The following SLC35F3 variants were observed in gnomAD, a reference collection of about 807,000 sequenced individuals.
The protein encoded by SLC35F3 is putative thiamine transporter SLC35F3.
Under a neutral mutation model 49.9 loss-of-function variants are expected in SLC35F3, and 25 were observed. The ratio of observed to expected loss-of-function variants is 0.50; its 90% CI spans 0.37 to 0.70. The LOEUF (loss-of-function observed/expected upper bound fraction) is 0.70, where lower values mean the gene tolerates loss of function less well. Among genes scored for constraint, SLC35F3 ranks in the 30% least tolerant of loss-of-function variants. SLC35F3 has a pLI of 0.00. For synonymous variants in SLC35F3, 275 were observed against 265.4 expected, an observed-to-expected ratio of 1.04 and a Z score of -0.35; for missense variants, 525 against 639.8, an observed-to-expected ratio of 0.82 and a Z score of 1.94.
chr1:234,267,914 G>A (rs145401355), intron 3 of SLC35F3, among the ~76,000 whole-genome samples: 33,165 of 104,184 alleles, frequency 0.32, 7,341 homozygotes, highest in Non-Finnish European at 0.36. Context: ...GGGCAGAGAC[G>A]CTCCTCACTT....
intron 3 of SLC35F3, among the ~76,000 whole-genome samples, chr1:234,242,875 A>C (rs1176654834): frequency 6.6e-6 from 1 of 152,230 alleles, no homozygotes; most frequent in African/African-American, 2.4e-5. Context: ...GCAGGAACAC[A>C]TCATTAGAAA....
chr1:234,135,083 C>T (rs1572064551), intron 2 of SLC35F3, among the ~76,000 whole-genome samples: 2 of 152,222 alleles, frequency 1.3e-5, no homozygotes, highest in East Asian at 1.9e-4. Context: ...TGAGGACATG[C>T]ATTTAAACAG....
chr1:234,122,995 C>T (rs928872618), intron 2 of SLC35F3, among the ~76,000 whole-genome samples: 8 of 152,088 alleles, frequency 5.3e-5, no homozygotes, highest in East Asian at 3.8e-4. Context: ...GTAATGGGAT[C>T]GCTGGGTCAA....
At chr1:234,082,076 A>C (rs1370438265) in intron 2 of SLC35F3, among the ~76,000 whole-genome samples, 2 of 151,760 alleles carry the variant, frequency 1.3e-5, no homozygotes, top group Non-Finnish European at 2.9e-5. Flanking sequence ...CTTTTCTAGC[A>C]ATGCTTTCTG....
chr1:234,084,924 C>T (rs1329568582), intron 2 of SLC35F3, among the ~76,000 whole-genome samples: 1 of 152,160 alleles, frequency 6.6e-6, no homozygotes, highest in Admixed American at 6.5e-5. Flanking sequence ...TGCAGTCAGC[C>T]TAAATCCCAT....
At chr1:234,318,122 C>T (rs913094422) in intron 5 of SLC35F3, among the ~76,000 whole-genome samples, 1 of 152,222 alleles carries the variant, frequency 6.6e-6, no homozygotes, top group Non-Finnish European at 1.5e-5. Context: ...GCAGGAGCTG[C>T]CCTGGGGCCA....
At chr1:234,220,269 G>T (rs1258142819) in intron 2 of SLC35F3, among the ~76,000 whole-genome samples, 1 of 152,072 alleles carries the variant, frequency 6.6e-6, no homozygotes, top group Admixed American at 6.5e-5. Flanking sequence ...AGACAGAGTG[G>T]ATCCAAGATG....
chr1:234,122,452 G>A (rs961984457), intron 2 of SLC35F3, among the ~76,000 whole-genome samples: 2 of 152,116 alleles, frequency 1.3e-5, no homozygotes, highest in Admixed American at 1.3e-4. Context: ...CATATTTGGG[G>A]CATTTTTTTA....
At chr1:233,929,195 C>T (rs1662205099) in intron 2 of SLC35F3, among the ~76,000 whole-genome samples, 1 of 152,128 alleles carries the variant, frequency 6.6e-6, no homozygotes, top group Admixed American at 6.6e-5. Flanking sequence ...CAGAATTAGC[C>T]CTTAGGGCAC....
rs1172864556 is a variant in SLC35F3 at position 234,060,874 on chromosome 1, A to T, written c.283+155116A>T. On this transcript the variant is annotated intron_variant, in intron 2 of 7. Transcript: ENST00000366618. ...TTTATCCCAACATAGCTTTGCTCCT[A>T]CTCATTTCATCTTGTGCTGTTACTG... Among the ~76,000 whole-genome samples, 12 of 152,206 alleles carry T rather than the reference A, an allele frequency of 7.9e-5. No individual in the cohort carries two copies. The South Asian group carries it at 2.5e-3, about 32-fold the overall frequency.
At chr1:234,316,296 C>A (rs1558108489) in intron 4 of SLC35F3, among the ~76,000 whole-genome samples, 1 of 152,228 alleles carries the variant, frequency 6.6e-6, no homozygotes. Flanking sequence ...GCAACTATGA[C>A]CACCTCCTTC....
At chr1:234,128,488 G>C (rs77961048) in intron 2 of SLC35F3, among the ~76,000 whole-genome samples, 7 of 152,272 alleles carry the variant, frequency 4.6e-5, no homozygotes, top group East Asian at 3.9e-4. Flanking sequence ...CGGTGGGTGA[G>C]GGATGAGAAT....
chr1:234,296,530 A>G (rs12042126), intron 3 of SLC35F3, among the ~76,000 whole-genome samples: 4,049 of 152,332 alleles, frequency 0.027, 370 homozygotes, highest in East Asian at 0.18. Context: ...TTCACTTGCC[A>G]TCTTAGTATC....
intron 2 of SLC35F3, among the ~76,000 whole-genome samples, chr1:233,924,830 G>T (rs1465541782): frequency 1.3e-5 from 2 of 152,142 alleles, no homozygotes; most frequent in Non-Finnish European, 2.9e-5. Context: ...CTGGTATGTT[G>T]TGTCTTTGTT....
intron 2 of SLC35F3, among the ~76,000 whole-genome samples, chr1:234,050,486 T>A (rs1664359732): frequency 6.6e-6 from 1 of 152,122 alleles, no homozygotes; most frequent in African/African-American, 2.4e-5. Context: ...GATGGGGTTG[T>A]TTGATTTTTT....
intron 2 of SLC35F3, among the ~76,000 whole-genome samples, chr1:233,999,076 G>A (rs12023024): frequency 0.12 from 18,339 of 152,112 alleles, 1,727 homozygotes; most frequent in East Asian, 0.41. Flanking sequence ...TACATAGCAA[G>A]CATTAGGGAT....
chr1:233,994,847 GAA>G (rs113657320), intron 2 of SLC35F3, among the ~76,000 whole-genome samples: 6 of 143,484 alleles, frequency 4.2e-5, no homozygotes, highest in Admixed American at 1.4e-4. Flanking sequence ...AAACAAACAA[GAA>G]AAAAAAAAAC....
chr1:234,069,128 A>T (rs1160053864), intron 2 of SLC35F3, among the ~76,000 whole-genome samples: 9 of 130,416 alleles, frequency 6.9e-5, no homozygotes, highest in Non-Finnish European at 1.3e-4. Flanking sequence ...TTTGTATATA[A>T]AATATATAAT....
intron 2 of SLC35F3, among the ~76,000 whole-genome samples, chr1:234,221,625 C>T (rs1667208087): frequency 6.6e-6 from 1 of 152,114 alleles, no homozygotes; most frequent in Non-Finnish European, 1.5e-5. Flanking sequence ...ATTGGGACAT[C>T]CAAGAAGAGA....
Sources: gnomAD v4.1 joint callset for allele counts (sites outside exome capture counted in the v4.1 genomes callset) on GRCh38, gnomAD v4.1.1 for gene constraint, MANE v1.5 for transcripts, NCBI Gene and HGNC (gene_info 2026-07-23, HGNC 2026-07-21) for gene names.